The following LTBP1 variants were observed in gnomAD, a reference collection of about 807,000 sequenced individuals.
LTBP1 encodes the protein latent transforming growth factor beta binding protein 1.
Under a neutral mutation model 207.6 loss-of-function variants are expected in LTBP1, and 129 were observed. That is an observed-to-expected ratio of 0.62 (90% confidence interval 0.54 to 0.72). The LOEUF is 0.72. Among genes scored for constraint, LTBP1 ranks in the 30% least tolerant of loss-of-function variants. The probability of loss-of-function intolerance (pLI) is 0.00; values close to 1 mark genes in which losing one functional copy is unlikely to be tolerated. For missense variants in LTBP1, 2,281 were observed against 2,217.2 expected, an observed-to-expected ratio of 1.03 and a Z score of -0.58; for synonymous variants, 963 against 833.7, an observed-to-expected ratio of 1.16 and a Z score of -2.67.
At chr2:33,030,298 G>C (rs2075632265) in intron 3 of LTBP1, among the ~76,000 whole-genome samples, 1 of 152,102 alleles carries the variant, frequency 6.6e-6, no homozygotes, top group Non-Finnish European at 1.5e-5. Context: ...AAAGAAATTT[G>C]AAAGGAAACA....
chr2:33,192,894 A>G (rs1480752753), intron 7 of LTBP1, among the ~76,000 whole-genome samples: 1 of 152,170 alleles, frequency 6.6e-6, no homozygotes, highest in Non-Finnish European at 1.5e-5. Context: ...TGCTTTTATA[A>G]CAAGTCCACT....
At chr2:33,350,344 G>T (rs1282456958) in intron 26 of LTBP1, among the ~76,000 whole-genome samples, 1 of 152,198 alleles carries the variant, frequency 6.6e-6, no homozygotes, top group Non-Finnish European at 1.5e-5. Context: ...TATGGGGTAG[G>T]ATATTAGGAA....
At chr2:33,256,726 ATATAT>A in intron 11 of LTBP1, among the ~76,000 whole-genome samples, 1 of 804 alleles carries the variant, frequency 1.2e-3, no homozygotes, top group Non-Finnish European at 3.2e-3. Flanking sequence ...AGGGCTAACT[ATATAT>A]ATATATATAT....
intron 5 of LTBP1, among the ~76,000 whole-genome samples, chr2:33,170,825 C>T (rs1041012415): frequency 3.9e-5 from 6 of 151,958 alleles, no homozygotes; most frequent in Admixed American, 6.6e-5. Context: ...TCCAGAGGAA[C>T]GATCAGACAG....
intron 31 of LTBP1, among the ~76,000 whole-genome samples, chr2:33,376,005 C>T (rs2095135572): frequency 6.6e-6 from 1 of 152,040 alleles, no homozygotes; most frequent in African/African-American, 2.4e-5. Context: ...GTTTATATGT[C>T]TCAAAGAACG....
rs573288236 is a variant in LTBP1, at chr2:32,953,690, A to G, written c.565+4745A>G. ...GCCCCCTGCCTGCTCTGCTTTATCGAAGTTTTTGCTGCCCAGTGAACCCTG... is the reference window on the plus strand; with the variant it reads ...GCCCCCTGCCTGCTCTGCTTTATCGGAGTTTTTGCTGCCCAGTGAACCCTG... On this transcript the variant is annotated intron_variant, in intron 2 of 33. Coordinates refer to ENST00000404816, the MANE Select transcript of LTBP1 (RefSeq NM_206943.4). 2.0e-5 allele frequency among the ~76,000 whole-genome samples: 3 copies of G among 152,208 alleles called. No individual in the cohort carries two copies. In the East Asian group the frequency reaches 5.8e-4, roughly 29 times the overall value.
At chr2:33,100,767 C>T (rs2079685284) in intron 3 of LTBP1, among the ~76,000 whole-genome samples, 2 of 152,166 alleles carry the variant, frequency 1.3e-5, no homozygotes, top group Non-Finnish European at 2.9e-5. Context: ...ATTTCAGAGA[C>T]CTCATAGAAG....
At chr2:33,309,387 G>T (rs777732972) in intron 22 of LTBP1, 47 bp from the exon 23 acceptor site, 4 of 1,385,312 alleles carry the variant, frequency 2.9e-6, no homozygotes, top group Non-Finnish European at 3.0e-6. Flanking sequence ...CTAATTTTCC[G>T]ATATGTGATT....
intron 2 of LTBP1, among the ~76,000 whole-genome samples, chr2:33,009,409 A>G (rs1009533889): frequency 6.6e-6 from 1 of 152,178 alleles, no homozygotes; most frequent in African/African-American, 2.4e-5. Context: ...TTGCAGATGT[A>G]ATTATTTAAG....
At chr2:33,078,630 G>C (rs946690967) in intron 3 of LTBP1, among the ~76,000 whole-genome samples, 1 of 152,092 alleles carries the variant, frequency 6.6e-6, no homozygotes, top group African/African-American at 2.4e-5. Context: ...TTATAATCCA[G>C]GCAGATTTTA....
intron 31 of LTBP1, among the ~76,000 whole-genome samples, chr2:33,371,084 G>A (rs116757680): frequency 0.01 from 1,544 of 152,298 alleles, 19 homozygotes; most frequent in African/African-American, 0.036. Flanking sequence ...GGAAATGAGT[G>A]TGATGGATTG....
chr2:33,390,337 A>T (rs1457825657), intron 32 of LTBP1, among the ~76,000 whole-genome samples: 1 of 152,160 alleles, frequency 6.6e-6, no homozygotes, highest in Non-Finnish European at 1.5e-5. Flanking sequence ...TTTCAAATAC[A>T]GACAATTTGA....
At chr2:33,333,924 G>A (rs2094525515) in intron 24 of LTBP1, among the ~76,000 whole-genome samples, 1 of 152,108 alleles carries the variant, frequency 6.6e-6, no homozygotes, top group Admixed American at 6.5e-5. Flanking sequence ...TAGGGGTCAA[G>A]TAAAAGAGAC....
Position 33,375,241 on chromosome 2 carries a change from C to T in LTBP1, c.4711+9738C>T, listed in dbSNP as rs1435972132. Among the ~76,000 whole-genome samples, 3 of 152,102 alleles carry T rather than the reference C, an allele frequency of 2.0e-5. No individual in the cohort carries two copies. In the South Asian group the frequency reaches 6.2e-4, roughly 31 times the overall value. ...TTGGCCTACAGTAAATGCGCCATAG[C>T]GAAAGGCGTTAGCAATTATTATGAA... On this transcript the variant is annotated intron_variant, in intron 31 of 33. Transcript: ENST00000404816.
At chr2:32,984,613 G>A (rs1413177287) in intron 2 of LTBP1, among the ~76,000 whole-genome samples, 1 of 152,094 alleles carries the variant, frequency 6.6e-6, no homozygotes, top group Non-Finnish European at 1.5e-5. Context: ...TTGCCCTTTT[G>A]TACAAAAAGA....
chr2:33,161,262 C>CTTT (rs531382337), intron 5 of LTBP1, among the ~76,000 whole-genome samples: 8 of 135,430 alleles, frequency 5.9e-5, no homozygotes, highest in South Asian at 4.7e-4. Flanking sequence ...TTTTTTTTTC[C>CTTT]TTTTTTTTTT....
intron 16 of LTBP1, among the ~76,000 whole-genome samples, chr2:33,274,614 G>T (rs1028504807): frequency 6.6e-6 from 1 of 152,216 alleles, no homozygotes; most frequent in Non-Finnish European, 1.5e-5. Flanking sequence ...CACGGAGGAA[G>T]AGTCTCTTTC....
In LTBP1 at chr2:33,273,174, T is replaced by C. The variant is rs180847699; in HGVS notation, c.2618-482T>C. On this transcript the variant is annotated intron_variant, in intron 15 of 33. Transcript: ENST00000404816. ...TCTTTGGGGGGATTAATGATAAATTTTGGAGGAGATTGGATGTATTTGTTG... is the reference window on the plus strand; with the variant it reads ...TCTTTGGGGGGATTAATGATAAATTCTGGAGGAGATTGGATGTATTTGTTG... Among the ~76,000 whole-genome samples the C allele has an allele frequency of 3.1e-4, 47 of 152,198 alleles. 1 individual carries two copies. The highest frequency in any genetic ancestry group is 2.9e-3 in the Admixed American group (45 of 15,288).
rs571122183 is a variant in LTBP1, at chr2:32,961,472, C to G, written c.565+12527C>G. Reference sequence around the variant, plus strand: ...TTTTATTTTGATGATCATAGAAAATCTACAGAGAGCTGATAGGATGTGTTA... The same window carrying G: ...TTTTATTTTGATGATCATAGAAAATGTACAGAGAGCTGATAGGATGTGTTA... On this transcript the variant is annotated intron_variant, in intron 2 of 33. Transcript: ENST00000404816. 4.6e-4 allele frequency among the ~76,000 whole-genome samples: 70 copies of G among 152,292 alleles called. No individual in the cohort carries two copies. In the South Asian group the frequency reaches 0.014, roughly 31 times the overall value.
Sources: allele counts gnomAD v4.1 joint callset (sites outside exome capture counted in the v4.1 genomes callset), GRCh38; gene constraint gnomAD v4.1.1; transcripts MANE v1.5; gene names NCBI Gene and HGNC (gene_info 2026-07-23, HGNC 2026-07-21).